The following KCNA5 variants were observed in gnomAD, a reference collection of about 807,000 sequenced individuals.
KCNA5 encodes the protein cardiac potassium channel.
In KCNA5, 22 loss-of-function variants were observed where a neutral mutation model predicts 26.5. The ratio of observed to expected loss-of-function variants is 0.83; its 90% CI spans 0.59 to 1.18. KCNA5 has a LOEUF of 1.18. Ranked by LOEUF, KCNA5 falls within the 50% of genes most tolerant of loss-of-function variation. The pLI is 0.00. For missense variants in KCNA5, 916 were observed against 843.2 expected (o/e 1.09, Z -1.07); for synonymous variants, 465 against 372.8 (o/e 1.25, Z -2.85).
rs746523647 is a variant in KCNA5, at chr12:5,044,367, G to A, written c.220G>A (p.Gly74Arg). 6.4e-7 allele frequency: 1 copy of A among 1,555,534 alleles called. No individual in the cohort carries two copies. The highest frequency in any genetic ancestry group is 1.2e-5 in the South Asian group (1 of 85,178). The stretch of plus-strand genomic sequence containing the variant: ...GCCCTTGCCTCCGCTGCCGGACCCG[G>A]GAGTGCGGCCCTTGCCTCCGCTGCC... ...VRPLPPLPDP[G>R]VRPLPPLPEE... Residue 74 changes from glycine to arginine, a missense_variant, in exon 1 of 1, where the codon GGA becomes AGA. By Grantham distance (125) the Gly-to-Arg change is moderately radical. Coordinates refer to ENST00000252321, the MANE Select transcript of KCNA5 (RefSeq NM_002234.4).
rs1862746345 is a variant in KCNA5 at position 5,044,450 on chromosome 12, T to C, written c.303T>C (p.Asp101=). ...CCGAGGACGAGGAGGAAGAAGGCGA[T>C]CCCGGCCTGGGCACGGTGGAGGACC... The part of the protein sequence containing the change: ...PPPEDEEEEG[D]PGLGTVEDQA... The change falls in exon 1 of 1, where the codon GAT becomes GAC. Residue 101 remains aspartate (D), a synonymous_variant. Coordinates refer to ENST00000252321, the MANE Select transcript of KCNA5 (RefSeq NM_002234.4). 2 of 1,610,278 alleles carry C rather than the reference T, an allele frequency of 1.2e-6. No individual in the cohort carries two copies. The highest frequency in any genetic ancestry group is 3.3e-5 in the Admixed American group (2 of 59,918).
rs1862768036 is a variant in KCNA5 at position 5,045,617 on chromosome 12, T to C, written c.1470T>C (p.Thr490=). The C allele has an allele frequency of 6.2e-7, 1 of 1,614,172 alleles. No individual in the cohort carries two copies. Among genetic ancestry groups the C allele is most frequent in the Non-Finnish European group, 8.5e-7 (1 of 1,180,030 alleles). The change falls in exon 1 of 1, where the codon ACT becomes ACC. Residue 490 remains threonine, a synonymous_variant. Transcript: ENST00000252321. This position sits in a 1 kb window ranked among gnomAD's most constrained non-coding sequence, Gnocchi z 5.6. Reference sequence around the variant, plus strand: ...GCTACGGGGACATGAGGCCCATCACTGTTGGGGGCAAGATCGTGGGCTCGC... The same window carrying C: ...GCTACGGGGACATGAGGCCCATCACCGTTGGGGGCAAGATCGTGGGCTCGC... ...TVGYGDMRPI[T]VGGKIVGSLC...
Position 5,045,141 on chromosome 12 carries a change from G to T in KCNA5, c.994G>T (p.Val332Phe), listed in dbSNP as rs1358920644. 2 of 1,614,098 alleles carry T rather than the reference G, an allele frequency of 1.2e-6. No homozygotes were observed. The highest frequency in any genetic ancestry group is 4.5e-5 in the East Asian group (2 of 44,854). Residue 332 changes from valine to phenylalanine, a missense_variant, in exon 1 of 1, where the codon GTC (valine) becomes TTC (phenylalanine). Transcript: ENST00000252321. This position sits in a 1 kb window ranked among gnomAD's most constrained non-coding sequence, Gnocchi z 5.6. ...DPFFIVETTC[V>F]IWFTFELLVR... is the part of the protein sequence containing the mutation. ...CTTCTTCATCGTGGAGACCACGTGC[G>T]TCATCTGGTTCACCTTCGAGCTGCT...
Position 5,046,254 on chromosome 12 carries a change from G to A in KCNA5, c.*265G>A, listed in dbSNP as rs1023388026. ...TGAGCGCTGTGAGATGGATGTATTT[G>A]TAGCCAGTCTCCTATACCCAGCAGA... On this transcript the variant is annotated 3_prime_UTR_variant, in exon 1 of 1. Transcript: ENST00000252321. 1 of 532,438 alleles carries A rather than the reference G, an allele frequency of 1.9e-6. No homozygotes were observed. Among genetic ancestry groups the A allele is most frequent in the South Asian group, 2.0e-5 (1 of 49,574 alleles). 33.0% of individuals were successfully genotyped at this position (532,438 alleles called of 1,614,324 possible). A position where few individuals can be genotyped will look rare whatever the true frequency, so the allele number is the denominator to read the frequency against.
Position 5,044,323 on chromosome 12 carries a change from A to C in KCNA5, c.176A>C (p.Asp59Ala), listed in dbSNP as rs1369394285. The change falls in exon 1 of 1, where the codon GAC (aspartate) becomes GCC (alanine). Residue 59 changes from aspartate (D) to alanine (A), a missense_variant. By Grantham distance (126) the Asp-to-Ala change is moderately radical (BLOSUM62 -2). Coordinates refer to ENST00000252321, the MANE Select transcript of KCNA5 (RefSeq NM_002234.4). The stretch of plus-strand genomic sequence containing the variant: ...CCAAAGGGGCGCGGCGCGCAGAGAG[A>C]CGCGGACTCGGGAGTGCGGCCCTTG... ...PAPKGRGAQR[D>A]ADSGVRPLPP... The C allele has an allele frequency of 6.4e-7, 1 of 1,551,030 alleles. No individual in the cohort carries two copies. Among genetic ancestry groups the C allele is most frequent in the Admixed American group, 1.9e-5 (1 of 52,352 alleles).
Position 5,045,668 on chromosome 12 carries a change from C to A in KCNA5, c.1521C>A (p.Thr507=). 2 of 1,614,196 alleles carry A rather than the reference C, an allele frequency of 1.2e-6. No homozygotes were observed. The highest frequency in any genetic ancestry group is 1.7e-6 in the Non-Finnish European group (2 of 1,180,028). ...TGTGTGCCATCGCCGGGGTCCTCAC[C>A]ATTGCCCTGCCTGTGCCCGTCATCG... ...GSLCAIAGVL[T]IALPVPVIVS... The change falls in exon 1 of 1, where the codon ACC becomes ACA. Residue 507 remains threonine, a synonymous_variant. Coordinates refer to ENST00000252321, the MANE Select transcript of KCNA5 (RefSeq NM_002234.4). The surrounding 1 kb of genome is among the most constrained non-coding windows in gnomAD (Gnocchi z 5.6).
At position 5,046,514 on chromosome 12, in the gene KCNA5, T is replaced by C. The variant is rs1359179341; in HGVS notation, c.*525T>C. The C allele has an allele frequency of 5.1e-6, 1 of 194,930 alleles. No homozygotes were observed. The highest frequency in any genetic ancestry group is 2.4e-5 in the African/African-American group (1 of 42,056). 12.1% of individuals were successfully genotyped at this position (194,930 alleles called of 1,614,324 possible). ...GAAGAAAGAGTTGTCCTGATGTTTT[T>C]CTGTGTTACTTATATTAGAGTCAGA... On this transcript the variant is annotated 3_prime_UTR_variant, in exon 1 of 1. Coordinates refer to ENST00000252321, the MANE Select transcript of KCNA5 (RefSeq NM_002234.4).
In KCNA5 at chr12:5,045,092, C is replaced by G. The variant is rs764444125; in HGVS notation, c.945C>G (p.Leu315=). 2 of 1,613,532 alleles carry G rather than the reference C, an allele frequency of 1.2e-6. No individual in the cohort carries two copies. The highest frequency in any genetic ancestry group is 1.7e-6 in the Non-Finnish European group (2 of 1,179,810). Residue 315 remains leucine, a synonymous_variant, in exon 1 of 1, where the codon CTC becomes CTG. Coordinates refer to ENST00000252321, the MANE Select transcript of KCNA5 (RefSeq NM_002234.4). The surrounding 1 kb of genome is among the most constrained non-coding windows in gnomAD (Gnocchi z 5.6). ...APPSGPTVAP[L]LPRTLADPFF... is the part of the protein sequence containing the mutation. Reference sequence around the variant, plus strand: ...CCTCTGGCCCTACGGTGGCACCGCTCCTGCCCAGGACCCTGGCCGACCCCT... The same window carrying G: ...CCTCTGGCCCTACGGTGGCACCGCTGCTGCCCAGGACCCTGGCCGACCCCT...
rs1324504276 is a variant in KCNA5, at chr12:5,045,787, G to A, written c.1640G>A (p.Gly547Glu). The A allele has an allele frequency of 6.2e-7, 1 of 1,614,130 alleles. No individual in the cohort carries two copies. The highest frequency in any genetic ancestry group is 8.5e-7 in the Non-Finnish European group (1 of 1,180,004). ...EEQGTQSQGP[G>E]LDRGVQRKVS... ...CAGGGCACTCAGAGCCAGGGGCCGG[G>A]GCTGGACAGAGGAGTCCAGCGGAAG... Residue 547 changes from glycine to glutamate, a missense_variant, in exon 1 of 1, where the codon GGG becomes GAG. Coordinates refer to ENST00000252321, the MANE Select transcript of KCNA5 (RefSeq NM_002234.4). The surrounding 1 kb of genome is among the most constrained non-coding windows in gnomAD (Gnocchi z 5.6).
Position 5,044,778 on chromosome 12 carries a change from G to C in KCNA5, c.631G>C (p.Glu211Gln), listed in dbSNP as rs1862753153. 2.5e-6 allele frequency: 4 copies of C among 1,614,202 alleles called. No homozygotes were observed. The African/African-American group carries it at 4.0e-5, about 16-fold the overall frequency. The change falls in exon 1 of 1, where the codon GAG (glutamate) becomes CAG (glutamine). Residue 211 changes from glutamate (E) to glutamine (Q), a missense_variant. Transcript: ENST00000252321. ...CTACCAGCTGGGGGACGAGGCCATGGAGCGCTTCCGCGAGGATGAGGGCTT... is the reference window on the plus strand; with the variant it reads ...CTACCAGCTGGGGGACGAGGCCATGCAGCGCTTCCGCGAGGATGAGGGCTT... ...RFYQLGDEAM[E>Q]RFREDEGFIK... is the part of the protein sequence containing the mutation.
rs778527059 is a variant in KCNA5, at chr12:5,045,842, G to A, written c.1695G>A (p.Lys565=). 6.2e-7 allele frequency: 1 copy of A among 1,614,060 alleles called. No homozygotes were observed. The highest frequency in any genetic ancestry group is 1.3e-5 in the African/African-American group (1 of 74,946). The change falls in exon 1 of 1, where the codon AAG becomes AAA. Residue 565 remains lysine (K), a synonymous_variant. Coordinates refer to ENST00000252321, the MANE Select transcript of KCNA5 (RefSeq NM_002234.4). The surrounding 1 kb of genome is among the most constrained non-coding windows in gnomAD (Gnocchi z 5.6). ...GCGGGAGCAGGGGATCCTTCTGCAA[G>A]GCTGGGGGGACCCTGGAGAATGCAG... ...KVSGSRGSFC[K]AGGTLENADS... is the part of the protein sequence containing the mutation.
chr12:5,045,029 C>G lies in KCNA5; in HGVS notation c.882C>G (p.Pro294=). Residue 294 remains proline, a synonymous_variant, in exon 1 of 1, where the codon CCC becomes CCG. Transcript: ENST00000252321. This position sits in a 1 kb window ranked among gnomAD's most constrained non-coding sequence, Gnocchi z 5.6. ...CGGCGCCCCACCAGCCTCCCGCGCC[C>G]GCCCCTGGGGCCAACGGCAGCGGGG... ...HPPAPHQPPA[P]APGANGSGVM... 1 of 1,612,732 alleles carries G rather than the reference C, an allele frequency of 6.2e-7. No individual in the cohort carries two copies. The highest frequency in any genetic ancestry group is 1.6e-4 in the Middle Eastern group (1 of 6,062).
rs1862766305 is a variant in KCNA5 at position 5,045,476 on chromosome 12, C to CG, written c.1333dup (p.Val445GlyfsTer14). On this transcript the variant is annotated frameshift_variant, in exon 1 of 1. Transcript: ENST00000252321. LOFTEE classifies it high-confidence loss of function. This position sits in a 1 kb window ranked among gnomAD's most constrained non-coding sequence, Gnocchi z 5.6. ...GGCTGCTCATCTTCTTCCTCTTCAT[C>CG]GGGGTCATCCTCTTCTCCAGTGCCG... is the stretch of plus-strand genomic sequence containing the variant. 1 of 1,614,100 alleles carries CG rather than the reference C, an allele frequency of 6.2e-7. No homozygotes were observed. The highest frequency in any genetic ancestry group is 1.3e-5 in the African/African-American group (1 of 74,944).
chr12:5,044,214 C>G lies in KCNA5; in HGVS notation c.67C>G (p.Arg23Gly), dbSNP rs771419005. Residue 23 changes from arginine to glycine, a missense_variant, in exon 1 of 1, where the codon CGG becomes GGG. Physicochemically the swap from Arg to Gly is moderately radical, Grantham distance 125 (BLOSUM62 -2). Transcript: ENST00000252321. ...AMTVRGGDEARAGCGQATGGE... is the reference protein window; with the variant it reads ...AMTVRGGDEAGAGCGQATGGE... ...GACCGTCAGAGGAGGCGATGAGGCCCGGGCAGGCTGCGGCCAGGCCACAGG... is the reference window on the plus strand; with the variant it reads ...GACCGTCAGAGGAGGCGATGAGGCCGGGGCAGGCTGCGGCCAGGCCACAGG... 8 of 1,537,740 alleles carry G rather than the reference C, an allele frequency of 5.2e-6. No homozygotes were observed. The East Asian group carries it at 1.2e-4, about 23-fold the overall frequency.
chr12:5,044,337 G>C lies in KCNA5; in HGVS notation c.190G>C (p.Val64Leu). The change falls in exon 1 of 1, where the codon GTG becomes CTG. Residue 64 changes from valine (V) to leucine (L), a missense_variant. By Grantham distance (32) the Val-to-Leu change is conservative. Transcript: ENST00000252321. Reference protein sequence around the residue: ...RGAQRDADSGVRPLPPLPDPG... With the variant: ...RGAQRDADSGLRPLPPLPDPG... ...CGCGCAGAGAGACGCGGACTCGGGA[G>C]TGCGGCCCTTGCCTCCGCTGCCGGA... 6.5e-7 allele frequency: 1 copy of C among 1,548,186 alleles called. No individual in the cohort carries two copies. Among genetic ancestry groups the C allele is most frequent in the South Asian group, 1.2e-5 (1 of 84,914 alleles).
Position 5,046,332 on chromosome 12 carries a change from G to T in KCNA5, c.*343G>T. ...AATAGCCCAGATCCCAAGAGATTAT[G>T]TAACTCCTCCATCCATGTGTTCCAA... On this transcript the variant is annotated 3_prime_UTR_variant, in exon 1 of 1. Transcript: ENST00000252321. The T allele has an allele frequency of 2.9e-6, 1 of 344,960 alleles. No homozygotes were observed. Among genetic ancestry groups the T allele is most frequent in the Non-Finnish European group, 5.7e-6 (1 of 175,170 alleles). The allele number at this position is 344,960 out of a possible 1,614,324, so 21.4% of individuals were successfully genotyped here.
In KCNA5 at chr12:5,045,539, C is replaced by T. The variant is rs1862767034; in HGVS notation, c.1392C>T (p.Phe464=). The T allele has an allele frequency of 1.2e-6, 2 of 1,614,226 alleles. No individual in the cohort carries two copies. Among genetic ancestry groups the T allele is most frequent in the Non-Finnish European group, 1.7e-6 (2 of 1,180,042 alleles). ...FAEADNQGTH[F]SSIPDAFWWA... ...AGGCTGACAACCAGGGAACCCATTTCTCTAGCATCCCTGACGCCTTCTGGT... is the reference window on the plus strand; with the variant it reads ...AGGCTGACAACCAGGGAACCCATTTTTCTAGCATCCCTGACGCCTTCTGGT... Residue 464 remains phenylalanine, a synonymous_variant, in exon 1 of 1, where the codon TTC becomes TTT. Transcript: ENST00000252321. This position sits in a 1 kb window ranked among gnomAD's most constrained non-coding sequence, Gnocchi z 5.6.
chr12:5,045,250 A>T lies in KCNA5; in HGVS notation c.1103A>T (p.Tyr368Phe). Residue 368 changes from tyrosine (Y) to phenylalanine (F), a missense_variant, in exon 1 of 1, where the codon TAC (tyrosine) becomes TTC (phenylalanine). By Grantham distance (22) the Tyr-to-Phe change is conservative. Transcript: ENST00000252321. The surrounding 1 kb of genome is among the most constrained non-coding windows in gnomAD (Gnocchi z 5.6). ...ATCGATGTGGTGGCCATCTTCCCCTACTTCATCACCCTGGGCACCGAACTG... is the reference window on the plus strand; with the variant it reads ...ATCGATGTGGTGGCCATCTTCCCCTTCTTCATCACCCTGGGCACCGAACTG... ...NIIDVVAIFP[Y>F]FITLGTELAE... is the part of the protein sequence containing the mutation. 6.2e-7 allele frequency: 1 copy of T among 1,614,012 alleles called. No individual in the cohort carries two copies. The highest frequency in any genetic ancestry group is 8.5e-7 in the Non-Finnish European group (1 of 1,180,016).
In KCNA5 at chr12:5,045,346, G is replaced by T; in HGVS notation, c.1199G>T (p.Arg400Leu). Reference protein sequence around the residue: ...GQQAMSLAILRVIRLVRVFRI... With the variant: ...GQQAMSLAILLVIRLVRVFRI... Reference sequence around the variant, plus strand: ...CAGGCCATGTCCCTGGCCATCCTCCGAGTCATCCGCCTGGTCCGGGTGTTC... The same window carrying T: ...CAGGCCATGTCCCTGGCCATCCTCCTAGTCATCCGCCTGGTCCGGGTGTTC... Residue 400 changes from arginine to leucine, a missense_variant, in exon 1 of 1, where the codon CGA becomes CTA. Physicochemically the swap from Arg to Leu is moderately radical, Grantham distance 102 (BLOSUM62 -2). Coordinates refer to ENST00000252321, the MANE Select transcript of KCNA5 (RefSeq NM_002234.4). The surrounding 1 kb of genome is among the most constrained non-coding windows in gnomAD (Gnocchi z 5.6). 1 of 1,614,038 alleles carries T rather than the reference G, an allele frequency of 6.2e-7. No individual in the cohort carries two copies. The highest frequency in any genetic ancestry group is 8.5e-7 in the Non-Finnish European group (1 of 1,179,972).
Sources: gnomAD v4.1 joint callset for allele counts on GRCh38, gnomAD v4.1.1 for gene constraint, Gnocchi (gnomAD v3.1) non-coding constraint, MANE v1.5 for transcripts, NCBI Gene and HGNC (gene_info 2026-07-23, HGNC 2026-07-21) for gene names.